Variants in ZDHHC18 observed in about 807,000 individuals in gnomAD.
The protein encoded by ZDHHC18 is palmitoyltransferase ZDHHC18.
ZDHHC18 carries 23 observed loss-of-function variants against 37.5 expected under a neutral mutation model. That is an observed-to-expected ratio of 0.61 (90% CI 0.44 to 0.87). The LOEUF is 0.87. Ranked by LOEUF, ZDHHC18 falls within the 40% of genes least tolerant of loss-of-function variation. ZDHHC18 has a pLI of 0.00. For missense variants in ZDHHC18, 406 were observed against 525.6 expected (o/e 0.77, Z 2.22); for synonymous variants, 185 against 218.7 (o/e 0.85, Z 1.36).
Position 26,853,857 on chromosome 1 carries a change from C to G in ZDHHC18, c.*14C>G, listed in dbSNP as rs2081719870. 2.5e-6 allele frequency: 4 copies of G among 1,610,386 alleles called. No individual in the cohort carries two copies. Among genetic ancestry groups the G allele is most frequent in the Non-Finnish European group, 2.5e-6 (3 of 1,178,072 alleles). ...GGCCACCCCTGACCACGGCTCAGTA[C>G]TTGCCACCTGCTGGCCTGTCTGACC... On this transcript the variant is annotated 3_prime_UTR_variant, in exon 8 of 8. Coordinates refer to ENST00000374142, the MANE Select transcript of ZDHHC18 (RefSeq NM_032283.3).
rs1239485832 is a variant in ZDHHC18, at chr1:26,855,947, CTGTCCCCTCTT to C, written c.*2114_*2124del. The C allele has an allele frequency of 1.4e-5, 4 of 288,336 alleles. No individual in the cohort carries two copies. The highest frequency in any genetic ancestry group is 2.2e-5 in the Non-Finnish European group (3 of 136,414). The allele number at this position is 288,336 out of a possible 1,614,324, so 17.9% of individuals were successfully genotyped here. A position where few individuals can be genotyped will look rare whatever the true frequency, so the allele number is the denominator to read the frequency against. The stretch of plus-strand genomic sequence containing the variant: ...CATGGGCACGTGAAAAGAGGCCATC[CTGTCCCCTCTT>C]TGTCCCCTCCACCTTCCCCTGCCTC... On this transcript the variant is annotated 3_prime_UTR_variant, in exon 8 of 8. Transcript: ENST00000374142.
intron 2 of ZDHHC18, among the ~76,000 whole-genome samples, chr1:26,846,208 G>A (rs1472109623): frequency 3.0e-4 from 5 of 16,418 alleles, no homozygotes; most frequent in East Asian, 2.6e-3. Flanking sequence ...ATATATACAC[G>A]TATATACATA....
Position 26,826,972 on chromosome 1 carries a change from C to CAGCGGG in ZDHHC18, c.178_183dup (p.Gly60_Ser61dup), listed in dbSNP as rs2081560290. 17 of 1,216,086 alleles carry CAGCGGG rather than the reference C, an allele frequency of 1.4e-5. No homozygotes were observed. Among genetic ancestry groups the CAGCGGG allele is most frequent in the Admixed American group, 4.3e-5 (1 of 23,068 alleles). The allele number at this position is 1,216,086 out of a possible 1,614,324, so 75.3% of individuals were successfully genotyped here. The stretch of plus-strand genomic sequence containing the variant: ...GGAGCAGCAGCGGCAGCGGCAGCGG[C>CAGCGGG]AGCGGGAGCGGGAGCCTCGGCCGCC... On this transcript the variant is annotated inframe_insertion, in exon 1 of 8. Transcript: ENST00000374142. The surrounding 1 kb of genome is among the most constrained non-coding windows in gnomAD (Gnocchi z 5.2).
chr1:26,826,741 G>C lies in ZDHHC18; in HGVS notation c.-64G>C, dbSNP rs1355926621. The stretch of plus-strand genomic sequence containing the variant: ...GCCGCCGCTGCCACCTCCGCTGCTC[G>C]GCCCGGTCCCGGAGTGGCCCGGCCG... On this transcript the variant is annotated 5_prime_UTR_variant, in exon 1 of 8. Transcript: ENST00000374142. This position sits in a 1 kb window ranked among gnomAD's most constrained non-coding sequence, Gnocchi z 5.2. 2.6e-5 allele frequency: 22 copies of C among 844,866 alleles called. No individual in the cohort carries two copies. The South Asian group carries it at 3.1e-4, about 12-fold the overall frequency. 52.3% of individuals were successfully genotyped at this position (844,866 alleles called of 1,614,324 possible). A position where few individuals can be genotyped will look rare whatever the true frequency, so the allele number is the denominator to read the frequency against.
intron 1 of ZDHHC18, among the ~76,000 whole-genome samples, chr1:26,828,336 A>G (rs1025826075): frequency 2.6e-5 from 4 of 151,864 alleles, no homozygotes; most frequent in African/African-American, 9.7e-5. Context: ...CCACCCACTA[A>G]TTGCGTGACC....
In ZDHHC18 at chr1:26,856,277, TC is replaced by T; in HGVS notation, c.*2437del. 2 of 437,422 alleles carry T rather than the reference TC, an allele frequency of 4.6e-6. No individual in the cohort carries two copies. The highest frequency in any genetic ancestry group is 3.1e-5 in the South Asian group (2 of 64,132). The allele number at this position is 437,422 out of a possible 1,614,324, so 27.1% of individuals were successfully genotyped here. Reference sequence around the variant, plus strand: ...AGGGTTAGCTGGTAAGACCGTTTCTTCCCTGTCGGCCAGCACTGCCCGCTCC... The same window carrying T: ...AGGGTTAGCTGGTAAGACCGTTTCTTCCTGTCGGCCAGCACTGCCCGCTCC... On this transcript the variant is annotated 3_prime_UTR_variant, in exon 8 of 8. Coordinates refer to ENST00000374142, the MANE Select transcript of ZDHHC18 (RefSeq NM_032283.3). The surrounding 1 kb of genome is among the most constrained non-coding windows in gnomAD (Gnocchi z 5.2).
chr1:26,851,959 G>A (rs1477855621), intron 6 of ZDHHC18, among the ~76,000 whole-genome samples: 1 of 152,184 alleles, frequency 6.6e-6, no homozygotes, highest in Non-Finnish European at 1.5e-5. Context: ...AAGTAAATGA[G>A]AGCATCTGTT....
Position 26,850,077 on chromosome 1 carries a change from G to A in ZDHHC18, c.647-224G>A, listed in dbSNP as rs2081694346. Reference sequence around the variant, plus strand: ...GGAGGTGGCTTTGCAGCTGAGACGCGAAGGAGAAGTTCCAGTTAACCAGGT... The same window carrying A: ...GGAGGTGGCTTTGCAGCTGAGACGCAAAGGAGAAGTTCCAGTTAACCAGGT... On this transcript the variant is annotated intron_variant, in intron 3 of 7. Coordinates refer to ENST00000374142, the MANE Select transcript of ZDHHC18 (RefSeq NM_032283.3). This position sits in a 1 kb window ranked among gnomAD's most constrained non-coding sequence, Gnocchi z 6.1. 3.3e-5 allele frequency among the ~76,000 whole-genome samples: 5 copies of A among 152,248 alleles called. 1 individual carries two copies. The South Asian group carries it at 6.2e-4, about 19-fold the overall frequency.
rs369673673 is a variant in ZDHHC18 at position 26,834,821 on chromosome 1, G to A, written c.496+2214G>A. ...GGGCATCATGGGTTTGTTCATTTGT[G>A]TGTTAATTCTATATGCTGACCCCTG... On this transcript the variant is annotated intron_variant, in intron 2 of 7. Transcript: ENST00000374142. 2.2e-4 allele frequency among the ~76,000 whole-genome samples: 34 copies of A among 152,218 alleles called. 1 individual carries two copies. The highest frequency in any genetic ancestry group is 7.2e-4 in the African/African-American group (30 of 41,454).
At chr1:26,846,102 T>TTG (rs1444166254) in intron 2 of ZDHHC18, among the ~76,000 whole-genome samples, 1 of 150,606 alleles carries the variant, frequency 6.6e-6, no homozygotes, top group Non-Finnish European at 1.5e-5. Context: ...TAAATTTCTT[T>TTG]TGTGTGTGTG....
intron 1 of ZDHHC18, among the ~76,000 whole-genome samples, chr1:26,831,710 T>C (rs1205683564): frequency 6.6e-6 from 1 of 152,192 alleles, no homozygotes; most frequent in Non-Finnish European, 1.5e-5. Flanking sequence ...GCACAGGCTA[T>C]TCTCTGAGGC....
rs559210710 is a variant in ZDHHC18 at position 26,853,658 on chromosome 1, G to A, written c.1050-68G>A. 91 of 1,468,994 alleles carry A rather than the reference G, an allele frequency of 6.2e-5. No individual in the cohort carries two copies. The African/African-American group carries it at 9.7e-4, about 16-fold the overall frequency. The allele number at this position is 1,468,994 out of a possible 1,614,324, so 91.0% of individuals were successfully genotyped here. On this transcript the variant is annotated intron_variant, in intron 7 of 7. Transcript: ENST00000374142. ...TTCCTTGGCTGAGATAGACTCTGCC[G>A]TCCAACCCCTGGCCTAGAGCCTCAG...
intron 2 of ZDHHC18, among the ~76,000 whole-genome samples, chr1:26,838,092 G>A (rs1345651986): frequency 1.3e-4 from 19 of 150,044 alleles, no homozygotes; most frequent in Non-Finnish European, 1.5e-5. Flanking sequence ...TGCCTCTCGG[G>A]TTCAAGCGAT....
At chr1:26,852,723 A>G (rs772892497) in intron 6 of ZDHHC18, 30 bp from the exon 7 acceptor site, 4 of 1,596,574 alleles carry the variant, frequency 2.5e-6, no homozygotes, top group African/African-American at 2.7e-5. Context: ...AAAAGGAGGT[A>G]CTTGACCTAG....
intron 2 of ZDHHC18, among the ~76,000 whole-genome samples, chr1:26,841,911 G>A (rs2081640761): frequency 1.3e-5 from 2 of 152,028 alleles, no homozygotes; most frequent in Non-Finnish European, 2.9e-5. Flanking sequence ...CAAGGTGGGT[G>A]GATCATGAGG....
chr1:26,830,466 GGTACAGTA>G (rs2081583349), intron 1 of ZDHHC18, among the ~76,000 whole-genome samples: 1 of 151,408 alleles, frequency 6.6e-6, no homozygotes, highest in African/African-American at 2.5e-5. Context: ...GGCCCATCCA[GGTACAGTA>G]GTACAGTAAC....
At chr1:26,834,718 A>C (rs1025430800) in intron 2 of ZDHHC18, among the ~76,000 whole-genome samples, 2 of 152,228 alleles carry the variant, frequency 1.3e-5, no homozygotes, top group African/African-American at 4.8e-5. Context: ...ATGACTGAAG[A>C]ATAGGTGAGC....
At position 26,826,915 on chromosome 1, in the gene ZDHHC18, C is replaced by G. The variant is rs1282640234; in HGVS notation, c.111C>G (p.Pro37=). 1.0e-6 allele frequency: 1 copy of G among 998,816 alleles called. No individual in the cohort carries two copies. The highest frequency in any genetic ancestry group is 1.2e-6 in the Non-Finnish European group (1 of 840,652). 61.9% of individuals were successfully genotyped at this position (998,816 alleles called of 1,614,324 possible). The change falls in exon 1 of 8, where the codon CCC becomes CCG. Residue 37 remains proline, a synonymous_variant. Coordinates refer to ENST00000374142, the MANE Select transcript of ZDHHC18 (RefSeq NM_032283.3). The surrounding 1 kb of genome is among the most constrained non-coding windows in gnomAD (Gnocchi z 5.2). ...CGTCCCCGACTCCGGGCCCCGGGCCCGCGCCGCCCGCCGCCCCCGCCCCGC... is the reference window on the plus strand; with the variant it reads ...CGTCCCCGACTCCGGGCCCCGGGCCGGCGCCGCCCGCCGCCCCCGCCCCGC... ...PAASPTPGPG[P]APPAAPAPPR...
intron 2 of ZDHHC18, among the ~76,000 whole-genome samples, chr1:26,842,622 A>T (rs765585723): frequency 2.0e-5 from 3 of 152,260 alleles, no homozygotes; most frequent in Non-Finnish European, 4.4e-5. Flanking sequence ...GAGTGTGGCC[A>T]TTGGCCTCTA....
Sources: gnomAD v4.1 joint callset for allele counts (sites outside exome capture counted in the v4.1 genomes callset) on GRCh38, gnomAD v4.1.1 for gene constraint, Gnocchi (gnomAD v3.1) non-coding constraint, MANE v1.5 for transcripts, NCBI Gene and HGNC (gene_info 2026-07-23, HGNC 2026-07-21) for gene names.